Variants in PKD2L1 observed in about 807,000 individuals in gnomAD.
PKD2L1 encodes polycystin-2-like protein 1.
In PKD2L1, 77 loss-of-function variants were observed where a neutral mutation model predicts 93.0. The ratio of observed to expected loss-of-function variants is 0.83; its 90% CI spans 0.69 to 1.00. The LOEUF (loss-of-function observed/expected upper bound fraction) is 1.00, where lower values mean the gene tolerates loss of function less well. Ranked by LOEUF, PKD2L1 falls within the 50% of genes least tolerant of loss-of-function variation. The pLI, the probability that PKD2L1 is intolerant of heterozygous loss-of-function variation, is 0.00. For synonymous variants in PKD2L1, 390 were observed against 388.0 expected, an observed-to-expected ratio of 1.01 and a Z score of -0.06; for missense variants, 977 against 990.9, an observed-to-expected ratio of 0.99 and a Z score of 0.19.
In PKD2L1 at chr10:100,298,821, C is replaced by G. The variant is rs1256022774; in HGVS notation, c.478-6G>C. 7 of 1,608,376 alleles carry G rather than the reference C, an allele frequency of 4.4e-6. No individual in the cohort carries two copies. The highest frequency in any genetic ancestry group is 8.5e-7 in the Non-Finnish European group (1 of 1,176,826). ...AGTAGTGGGCCCTGGGCAAACTGAACCACAAGCTGGCTTGAACCTTACCCA... is the reference window on the plus strand; with the variant it reads ...AGTAGTGGGCCCTGGGCAAACTGAAGCACAAGCTGGCTTGAACCTTACCCA... On this transcript the variant is annotated splice_polypyrimidine_tract_variant and splice_region_variant and intron_variant, in intron 3 of 15. Coordinates refer to ENST00000318222, the MANE Select transcript of PKD2L1 (RefSeq NM_016112.3).
chr10:100,291,910 G>A lies in PKD2L1; in HGVS notation c.1881-483C>T, dbSNP rs11190455. ...CCTGCTATGACCACCACCTGTCCCC[G>A]CCCCTTTATTTAATACTTAGCAATG... On this transcript the variant is annotated intron_variant, in intron 11 of 15. Transcript: ENST00000318222. 4.2e-3 allele frequency among the ~76,000 whole-genome samples: 636 copies of A among 151,846 alleles called. 6 individuals are homozygous for A. Among genetic ancestry groups the A allele is most frequent in the African/African-American group, 0.015 (601 of 41,386 alleles).
intron 6 of PKD2L1, 67 bp from the exon 7 acceptor site, chr10:100,296,359 G>T: frequency 7.4e-7 from 1 of 1,343,834 alleles, no homozygotes; most frequent in Non-Finnish European, 1.0e-6. Flanking sequence ...TCCAAGATGA[G>T]GCCCCAAGGG....
intron 7 of PKD2L1, among the ~76,000 whole-genome samples, 169 bp downstream of exon 7, chr10:100,295,953 T>C (rs538479200): frequency 1.3e-5 from 2 of 151,146 alleles, no homozygotes; most frequent in Non-Finnish European, 2.9e-5. Context: ...GGAGAATCAC[T>C]TGAACTCAGG....
At chr10:100,326,425 C>A (rs905995768) in intron 2 of PKD2L1, among the ~76,000 whole-genome samples, 4 of 152,226 alleles carry the variant, frequency 2.6e-5, no homozygotes, top group Non-Finnish European at 5.9e-5. Flanking sequence ...CAGAGACTTT[C>A]TTTCTATTCA....
chr10:100,311,460 G>A lies in PKD2L1; in HGVS notation c.350-11742C>T, dbSNP rs546819320. 5.3e-5 allele frequency among the ~76,000 whole-genome samples: 8 copies of A among 152,212 alleles called. No individual in the cohort carries two copies. In the South Asian group the frequency reaches 8.3e-4, roughly 16 times the overall value. ...CTAATAATTATTATTAATCATTAACGTCATGAGCTTGGGTAATAACCAAAT... is the reference window on the plus strand; with the variant it reads ...CTAATAATTATTATTAATCATTAACATCATGAGCTTGGGTAATAACCAAAT... On this transcript the variant is annotated intron_variant, in intron 2 of 15. Coordinates refer to ENST00000318222, the MANE Select transcript of PKD2L1 (RefSeq NM_016112.3).
At chr10:100,298,198 T>A (rs2134383853) in intron 4 of PKD2L1, among the ~76,000 whole-genome samples, 1 of 152,282 alleles carries the variant, frequency 6.6e-6, no homozygotes, top group South Asian at 2.1e-4. Context: ...GCTCCACGTA[T>A]CAATCTCAAG....
intron 2 of PKD2L1, 23 bp from the exon 3 acceptor site, chr10:100,299,741 A>G (rs1477368750): frequency 6.2e-7 from 1 of 1,611,510 alleles, no homozygotes; most frequent in Admixed American, 1.7e-5. Flanking sequence ...CCAAGAGGCT[A>G]TGTCCTTCTC....
At chr10:100,324,605 T>C (rs1208492398) in intron 2 of PKD2L1, among the ~76,000 whole-genome samples, 1 of 152,206 alleles carries the variant, frequency 6.6e-6, no homozygotes, top group Non-Finnish European at 1.5e-5. Flanking sequence ...GGTGAGGGTT[T>C]TGATTTTCGA....
In PKD2L1 at chr10:100,312,870, G is replaced by A. The variant is rs377502423; in HGVS notation, c.350-13152C>T. ...CTCTAGAGTCATCCTGGAAAAATACGGCCCCCTAGATAGCATTGCTTCTGT... is the reference window on the plus strand; with the variant it reads ...CTCTAGAGTCATCCTGGAAAAATACAGCCCCCTAGATAGCATTGCTTCTGT... On this transcript the variant is annotated intron_variant, in intron 2 of 15. Coordinates refer to ENST00000318222, the MANE Select transcript of PKD2L1 (RefSeq NM_016112.3). 7.3e-5 allele frequency among the ~76,000 whole-genome samples: 11 copies of A among 151,308 alleles called. No homozygotes were observed. In the East Asian group the frequency reaches 1.5e-3, roughly 21 times the overall value.
chr10:100,303,314 C>A (rs925022257), intron 2 of PKD2L1, among the ~76,000 whole-genome samples: 1 of 151,656 alleles, frequency 6.6e-6, no homozygotes, highest in African/African-American at 2.4e-5. Flanking sequence ...CTGCCTCAGC[C>A]TCCCGAGTAG....
At chr10:100,309,379 CAA>C (rs34824009) in intron 2 of PKD2L1, among the ~76,000 whole-genome samples, 86,535 of 151,498 alleles carry the variant, frequency 0.57, 24,974 homozygotes, top group Admixed American at 0.68. Context: ...AATAGTAAAA[CAA>C]TATAAAAATT....
At chr10:100,324,901 C>A (rs1294615751) in intron 2 of PKD2L1, among the ~76,000 whole-genome samples, 1 of 152,212 alleles carries the variant, frequency 6.6e-6, no homozygotes, top group Non-Finnish European at 1.5e-5. Context: ...GCATGTCCAA[C>A]TGCACGTCAC....
At chr10:100,302,058 C>A (rs1211665214) in intron 2 of PKD2L1, among the ~76,000 whole-genome samples, 4 of 152,202 alleles carry the variant, frequency 2.6e-5, no homozygotes, top group Admixed American at 6.5e-5. Context: ...TGGTCTTCAA[C>A]TCCTGACCTC....
intron 2 of PKD2L1, among the ~76,000 whole-genome samples, chr10:100,304,953 G>A (rs1848764491): frequency 6.6e-6 from 1 of 152,184 alleles, no homozygotes; most frequent in South Asian, 2.1e-4. Flanking sequence ...TTTCTCATCT[G>A]TAAAACTGGG....
chr10:100,322,455 G>A (rs1819784386), intron 2 of PKD2L1, among the ~76,000 whole-genome samples: 1 of 151,666 alleles, frequency 6.6e-6, no homozygotes, highest in Non-Finnish European at 1.5e-5. Flanking sequence ...TCCAGCCTGG[G>A]TGAAAGAACC....
intron 8 of PKD2L1, 89 bp downstream of exon 8, chr10:100,294,853 C>G (rs1361571054): frequency 7.5e-7 from 1 of 1,332,990 alleles, no homozygotes; most frequent in South Asian, 1.3e-5. Flanking sequence ...CATGCAGACA[C>G]GCACGTACCC....
At chr10:100,294,038 G>T (rs892789259) in intron 9 of PKD2L1, among the ~76,000 whole-genome samples, 1 of 152,148 alleles carries the variant, frequency 6.6e-6, no homozygotes, top group Non-Finnish European at 1.5e-5. Context: ...GTTTGAGCTC[G>T]GGAGGTGGAG....
chr10:100,304,858 G>A (rs1848762279), intron 2 of PKD2L1, among the ~76,000 whole-genome samples: 1 of 152,140 alleles, frequency 6.6e-6, no homozygotes, highest in Non-Finnish European at 1.5e-5. Flanking sequence ...GTAGCAGAAT[G>A]AGCATGAGCA....
At chr10:100,311,301 A>C (rs1355517969) in intron 2 of PKD2L1, among the ~76,000 whole-genome samples, 1 of 151,506 alleles carries the variant, frequency 6.6e-6, no homozygotes, top group Non-Finnish European at 1.5e-5. Context: ...ACCTTTTCCC[A>C]CTTGTTTTGC....
Sources: allele counts gnomAD v4.1 joint callset (sites outside exome capture counted in the v4.1 genomes callset), GRCh38; gene constraint gnomAD v4.1.1; transcripts MANE v1.5; gene names NCBI Gene and HGNC (gene_info 2026-07-23, HGNC 2026-07-21).